The following ASTN2 variants were observed in gnomAD, a reference collection of about 807,000 sequenced individuals.
ASTN2 encodes the protein astrotactin-2.
In ASTN2, 54 loss-of-function variants were observed where a neutral mutation model predicts 139.8. The observed-to-expected ratio is 0.39, with a 90% confidence interval of 0.31 to 0.48. The LOEUF is 0.48. Among genes scored for constraint, ASTN2 ranks in the 20% least tolerant of loss-of-function variants. The pLI is 0.95. For synonymous variants in ASTN2, 756 were observed against 719.5 expected (o/e 1.05, Z -0.81); for missense variants, 1,565 against 1,725.1 (o/e 0.91, Z 1.64).
chr9:117,381,618 C>G (rs535173366), intron 1 of ASTN2, among the ~76,000 whole-genome samples: 3 of 152,206 alleles, frequency 2.0e-5, no homozygotes, highest in Non-Finnish European at 4.4e-5. Context: ...AGCAAAAGCT[C>G]CCTGAGACCT....
rs570522884 is a variant in ASTN2, at chr9:117,046,040, AC to A, written c.1277-6076del. On this transcript the variant is annotated intron_variant, in intron 5 of 22. Transcript: ENST00000313400. ...TGTATGTATGTAGTCTCACTCTGTC[AC>A]CCAGGCTGGAGTGCAGTGGTGTGAT... 2.1e-3 allele frequency among the ~76,000 whole-genome samples: 319 copies of A among 149,722 alleles called. 1 individual carries two copies. The highest frequency in any genetic ancestry group is 7.5e-3 in the African/African-American group (306 of 40,690).
chr9:116,495,094 C>G (rs184304361), intron 19 of ASTN2, among the ~76,000 whole-genome samples: 134 of 152,228 alleles, frequency 8.8e-4, no homozygotes, highest in African/African-American at 3.1e-3. Context: ...ACAAATAATA[C>G]AGGAAAGGAG....
chr9:117,226,589 G>T (rs1832719078), intron 2 of ASTN2, among the ~76,000 whole-genome samples: 1 of 128,588 alleles, frequency 7.8e-6, no homozygotes, highest in East Asian at 2.0e-4. Context: ...TCCTCATAAA[G>T]CGGGTTTGTT....
intron 10 of ASTN2, among the ~76,000 whole-genome samples, chr9:116,943,163 A>G (rs886702496): frequency 6.6e-6 from 1 of 152,190 alleles, no homozygotes; most frequent in African/African-American, 2.4e-5. Flanking sequence ...TCATAGACTG[A>G]AGGGAAGGGG....
At chr9:116,791,139 G>A (rs776042850) in intron 13 of ASTN2, among the ~76,000 whole-genome samples, 7 of 152,168 alleles carry the variant, frequency 4.6e-5, no homozygotes, top group Middle Eastern at 3.2e-3. Context: ...ACAGGCGTGA[G>A]CCACCGCACC....
intron 1 of ASTN2, among the ~76,000 whole-genome samples, chr9:117,364,616 A>C (rs1829783527): frequency 6.6e-6 from 1 of 152,126 alleles, no homozygotes. Context: ...GTGGCATAGG[A>C]GGCAAGTGAG....
chr9:116,498,694 G>A (rs968224862), intron 19 of ASTN2, among the ~76,000 whole-genome samples: 6 of 152,100 alleles, frequency 3.9e-5, no homozygotes, highest in African/African-American at 1.4e-4. Flanking sequence ...AAAACATGAT[G>A]TATATGTCAG....
At chr9:117,061,225 T>C (rs368539902) in intron 5 of ASTN2, among the ~76,000 whole-genome samples, 2 of 152,064 alleles carry the variant, frequency 1.3e-5, no homozygotes, top group South Asian at 2.1e-4. Context: ...GTTGTAGACT[T>C]TGGAGTCAGA....
chr9:117,120,018 G>GTGTGTGTGTGTGTGTATATATATA (rs1306397698), intron 4 of ASTN2, among the ~76,000 whole-genome samples: 5 of 45,994 alleles, frequency 1.1e-4, no homozygotes, highest in African/African-American at 3.3e-4. Flanking sequence ...GTGTGTGTGT[G>GTGTGTGTGTGTGTGTATATATATA]TATATATATA....
At chr9:116,851,052 G>T (rs1309997125) in intron 11 of ASTN2, among the ~76,000 whole-genome samples, 1 of 152,216 alleles carries the variant, frequency 6.6e-6, no homozygotes, top group South Asian at 2.1e-4. Flanking sequence ...GTACTTAGTT[G>T]TTGAGCTCTG....
At chr9:116,942,086 GCACGCACA>G (rs1835253097) in intron 10 of ASTN2, among the ~76,000 whole-genome samples, 2 of 135,264 alleles carry the variant, frequency 1.5e-5, no homozygotes, top group Non-Finnish European at 3.1e-5. Context: ...ACGTACGCAC[GCACGCACA>G]CACACACACA....
chr9:116,652,513 C>T (rs898805024), intron 16 of ASTN2, among the ~76,000 whole-genome samples: 1 of 152,084 alleles, frequency 6.6e-6, no homozygotes, highest in African/African-American at 2.4e-5. Flanking sequence ...ATATCTAGTC[C>T]TATATTTTCC....
chr9:116,469,604 G>A (rs117156944), intron 20 of ASTN2, among the ~76,000 whole-genome samples: 1 of 152,242 alleles, frequency 6.6e-6, no homozygotes, highest in East Asian at 1.9e-4. Flanking sequence ...ACCTTCATGA[G>A]CCTTCATTTC....
chr9:117,166,748 TC>T (rs1588034899), intron 3 of ASTN2, among the ~76,000 whole-genome samples: 1 of 152,110 alleles, frequency 6.6e-6, no homozygotes, highest in Admixed American at 6.6e-5. Flanking sequence ...ATCTAATTAT[TC>T]CCTCATAACA....
chr9:116,651,823 A>G, intron 16 of ASTN2, 30 bp from the exon 17 acceptor site: 1 of 1,604,138 alleles, frequency 6.2e-7, no homozygotes, highest in Non-Finnish European at 8.5e-7. Flanking sequence ...GAAGAGCGAA[A>G]GGTAAACTCA....
chr9:116,756,377 A>G lies in ASTN2; in HGVS notation c.2397-22854T>C, dbSNP rs184038948. 1.6e-4 allele frequency among the ~76,000 whole-genome samples: 23 copies of G among 140,228 alleles called. No individual in the cohort carries two copies. In the East Asian group the frequency reaches 4.1e-3, roughly 25 times the overall value. 92.0% of individuals were successfully genotyped at this position (140,228 alleles called of 152,430 possible). On this transcript the variant is annotated intron_variant, in intron 13 of 22. Transcript: ENST00000313400. ...TCAGTAAATGTGGATCAAATTATCA[A>G]CCTTCTAAGGTTGTTGTGACAATTT...
At chr9:117,102,594 C>T (rs1397387916) in intron 4 of ASTN2, among the ~76,000 whole-genome samples, 1 of 152,154 alleles carries the variant, frequency 6.6e-6, no homozygotes, top group Non-Finnish European at 1.5e-5. Flanking sequence ...ATGATCTCAG[C>T]TCACTTCAAC....
Position 116,870,245 on chromosome 9 carries a change from G to A in ASTN2, c.1890-6512C>T, listed in dbSNP as rs1926667. Among the ~76,000 whole-genome samples, 901 of 152,288 alleles carry A rather than the reference G, an allele frequency of 5.9e-3. 2 individuals carry two copies. The highest frequency in any genetic ancestry group is 9.5e-3 in the Non-Finnish European group (646 of 68,026). On this transcript the variant is annotated intron_variant, in intron 10 of 22. Coordinates refer to ENST00000313400, the MANE Select transcript of ASTN2 (RefSeq NM_001365068.1). ...TGTTGGAGTTAGGAGTTGAACCCAGGTAGGTCCAACTCCACATTCTTTCTC... is the reference window on the plus strand; with the variant it reads ...TGTTGGAGTTAGGAGTTGAACCCAGATAGGTCCAACTCCACATTCTTTCTC...
chr9:117,113,048 A>T (rs1207748050), intron 4 of ASTN2, among the ~76,000 whole-genome samples: 1 of 152,194 alleles, frequency 6.6e-6, no homozygotes, highest in Non-Finnish European at 1.5e-5. Flanking sequence ...ACAACTGCAC[A>T]ACAATTAGAA....
Sources: allele counts gnomAD v4.1 joint callset (sites outside exome capture counted in the v4.1 genomes callset), GRCh38; gene constraint gnomAD v4.1.1; transcripts MANE v1.5; gene names NCBI Gene and HGNC (gene_info 2026-07-23, HGNC 2026-07-21).